GAB2: variants seen among roughly 807,000 people sequenced by gnomAD.
The protein encoded by GAB2 is GRB2-associated-binding protein 2.
Under a neutral mutation model 65.5 loss-of-function variants are expected in GAB2, and 26 were observed. The observed-to-expected ratio is 0.40, with a 90% CI of 0.29 to 0.55. The LOEUF (loss-of-function observed/expected upper bound fraction) is 0.55. Ranked by LOEUF, GAB2 falls within the 20% of genes least tolerant of loss-of-function variation. The probability of loss-of-function intolerance (pLI) is 0.53; values close to 1 mark genes in which losing one functional copy is unlikely to be tolerated. For missense variants in GAB2, 884 were observed against 875.8 expected (o/e 1.01, Z -0.12); for synonymous variants, 321 against 329.6 (o/e 0.97, Z 0.28).
intron 2 of GAB2, among the ~76,000 whole-genome samples, chr11:78,267,044 G>A (rs750449976): frequency 1.6e-4 from 24 of 152,192 alleles, no homozygotes; most frequent in Admixed American, 5.9e-4. Flanking sequence ...GTGGGCAGGC[G>A]GGCTCCAGCC....
At chr11:78,323,077 A>G (rs984814924) in intron 1 of GAB2, among the ~76,000 whole-genome samples, 4 of 152,240 alleles carry the variant, frequency 2.6e-5, no homozygotes, top group Non-Finnish European at 2.9e-5. Context: ...CTAGGTGCCC[A>G]TCAATGGTGG....
At chr11:78,249,026 G>C (rs1284801231) in intron 3 of GAB2, among the ~76,000 whole-genome samples, 1 of 152,184 alleles carries the variant, frequency 6.6e-6, no homozygotes, top group Non-Finnish European at 1.5e-5. Context: ...TCATGAAAAT[G>C]GGTATCTGAG....
At chr11:78,241,002 C>T (rs1350343614) in intron 3 of GAB2, among the ~76,000 whole-genome samples, 6 of 152,208 alleles carry the variant, frequency 3.9e-5, no homozygotes, top group African/African-American at 1.4e-4. Flanking sequence ...CCCAGCACTG[C>T]TGCAGCTACT....
At chr11:78,363,203 C>G (rs912516031) in intron 1 of GAB2, among the ~76,000 whole-genome samples, 6 of 152,196 alleles carry the variant, frequency 3.9e-5, no homozygotes, top group African/African-American at 1.4e-4. Context: ...GACCAGTATT[C>G]AAACACAGAA....
At chr11:78,336,323 T>C (rs531926491) in intron 1 of GAB2, among the ~76,000 whole-genome samples, 52 of 60,962 alleles carry the variant, frequency 8.5e-4, no homozygotes, top group African/African-American at 4.0e-3. Context: ...CGAGACTGTC[T>C]CTCAAAAAAA....
chr11:78,347,064 G>T (rs901264452), intron 1 of GAB2, among the ~76,000 whole-genome samples: 9 of 152,026 alleles, frequency 5.9e-5, no homozygotes, highest in African/African-American at 1.7e-4. Flanking sequence ...GGTGATCTAA[G>T]GATTAACTGT....
At chr11:78,313,115 C>G (rs1263924708) in intron 1 of GAB2, among the ~76,000 whole-genome samples, 2 of 152,170 alleles carry the variant, frequency 1.3e-5, no homozygotes, top group Non-Finnish European at 2.9e-5. Flanking sequence ...AAGAAGGTGT[C>G]ACTTGCTCTG....
intron 1 of GAB2, among the ~76,000 whole-genome samples, chr11:78,289,788 G>A (rs2134602534): frequency 6.8e-6 from 1 of 147,870 alleles, no homozygotes; most frequent in African/African-American, 2.5e-5. Flanking sequence ...GGTTTGATAT[G>A]CGGTTTTGGA....
At chr11:78,360,149 C>T (rs1364181443) in intron 1 of GAB2, among the ~76,000 whole-genome samples, 1 of 152,098 alleles carries the variant, frequency 6.6e-6, no homozygotes, top group Non-Finnish European at 1.5e-5. Context: ...AAAAGATTTT[C>T]CCCAGTGCTT....
Position 78,216,166 on chromosome 11 carries a change from C to G in GAB2, c.*3106G>C, listed in dbSNP as rs563190001. 1 of 152,696 alleles carries G rather than the reference C, an allele frequency of 6.5e-6. No homozygotes were observed. The highest frequency in any genetic ancestry group is 1.9e-4 in the East Asian group (1 of 5,176). 9.5% of individuals were successfully genotyped at this position (152,696 alleles called of 1,614,324 possible). A position where few individuals can be genotyped will look rare whatever the true frequency, so the allele number is the denominator to read the frequency against. On this transcript the variant is annotated 3_prime_UTR_variant, in exon 10 of 10. Transcript: ENST00000361507. ...TCCAACCTCCCATTCCACAGACAGG[C>G]AGATCAAGGACTTAAGGAGACACCA...
rs75214366 is a variant in GAB2, at chr11:78,292,027, T to A, written c.76-11126A>T. 9.0e-3 allele frequency among the ~76,000 whole-genome samples: 1,282 copies of A among 141,666 alleles called. 20 individuals are homozygous for A. Among genetic ancestry groups the A allele is most frequent in the African/African-American group, 0.032 (1,173 of 36,964 alleles). The allele number at this position is 141,666 out of a possible 152,430, so 92.9% of individuals were successfully genotyped here. ...GGGTGTGTGTGTGTGTGTGTGTGTG[T>A]GTGAGAGAGAGAGAGTCAGTCTTTG... On this transcript the variant is annotated intron_variant, in intron 1 of 9. Coordinates refer to ENST00000361507, the MANE Select transcript of GAB2 (RefSeq NM_080491.3).
At chr11:78,394,956 T>C (rs1487520123) in intron 1 of GAB2, among the ~76,000 whole-genome samples, 1 of 152,166 alleles carries the variant, frequency 6.6e-6, no homozygotes, top group African/African-American at 2.4e-5. Context: ...AGGCAACCTG[T>C]AAATGCCATC....
At chr11:78,310,320 G>A (rs1319568596) in intron 1 of GAB2, among the ~76,000 whole-genome samples, 2 of 149,558 alleles carry the variant, frequency 1.3e-5, no homozygotes, top group Non-Finnish European at 3.0e-5. Context: ...GGCTAACACG[G>A]TGAAACCCCG....
chr11:78,246,893 G>C (rs949643818), intron 3 of GAB2, among the ~76,000 whole-genome samples: 1 of 152,178 alleles, frequency 6.6e-6, no homozygotes, highest in Non-Finnish European at 1.5e-5. Context: ...TCTTCTTTCA[G>C]TTCACATAGG....
At chr11:78,277,419 T>C (rs1866202794) in intron 2 of GAB2, among the ~76,000 whole-genome samples, 1 of 151,982 alleles carries the variant, frequency 6.6e-6, no homozygotes, top group African/African-American at 2.4e-5. Context: ...GCGGTTAAAC[T>C]CTCTAAAATA....
chr11:78,243,683 A>C (rs1038510718), intron 3 of GAB2, among the ~76,000 whole-genome samples: 1 of 148,226 alleles, frequency 6.7e-6, no homozygotes, highest in Non-Finnish European at 1.5e-5. Flanking sequence ...TACTAAAAAT[A>C]CAAAAAAAAA....
intron 1 of GAB2, among the ~76,000 whole-genome samples, chr11:78,414,473 G>C (rs1269972771): frequency 6.6e-6 from 1 of 152,184 alleles, no homozygotes; most frequent in Admixed American, 6.5e-5. Context: ...GAAATTGATA[G>C]AAAACTACAA....
rs552751362 is a variant in GAB2 at position 78,220,170 on chromosome 11, A to G, written c.1887+149T>C. On this transcript the variant is annotated intron_variant, in intron 9 of 9. Coordinates refer to ENST00000361507, the MANE Select transcript of GAB2 (RefSeq NM_080491.3). ...GTCTTTAGACCTAGATGAAAGCTCT[A>G]TGACTAAAGATGCATCATAAAAGCT... 2.6e-4 allele frequency: 199 copies of G among 768,784 alleles called. 1 individual carries two copies. Among genetic ancestry groups the G allele is most frequent in the South Asian group, 1.5e-3 (90 of 59,040 alleles). 47.6% of individuals were successfully genotyped at this position (768,784 alleles called of 1,614,324 possible). A position where few individuals can be genotyped will look rare whatever the true frequency, so the allele number is the denominator to read the frequency against.
intron 3 of GAB2, among the ~76,000 whole-genome samples, chr11:78,229,117 C>T (rs2512549): frequency 0.25 from 38,257 of 151,942 alleles, 5,531 homozygotes; most frequent in East Asian, 0.4. Flanking sequence ...TATGTAGCTG[C>T]TGACAGTTGG....
Sources: gnomAD v4.1 joint callset for allele counts (sites outside exome capture counted in the v4.1 genomes callset) on GRCh38, gnomAD v4.1.1 for gene constraint, MANE v1.5 for transcripts, NCBI Gene and HGNC (gene_info 2026-07-23, HGNC 2026-07-21) for gene names.